The following FAF1 variants were observed in gnomAD, a reference collection of about 807,000 sequenced individuals.
FAF1 encodes the protein Fas associated factor 1, also known as FAS-associated factor 1.
Under a neutral mutation model 92.5 loss-of-function variants are expected in FAF1, and 25 were observed. The observed-to-expected ratio is 0.27, with a 90% CI of 0.20 to 0.38. The LOEUF (loss-of-function observed/expected upper bound fraction) is 0.38, where lower values mean the gene tolerates loss of function less well. Ranked by LOEUF, FAF1 falls within the 10% of genes least tolerant of loss-of-function variation. The pLI is 1.00. For synonymous variants in FAF1, 234 were observed against 273.2 expected, an observed-to-expected ratio of 0.86 and a Z score of 1.42; for missense variants, 636 against 793.3, an observed-to-expected ratio of 0.80 and a Z score of 2.38.
chr1:50,678,776 CAAAAAAAAAA>C lies in FAF1; in HGVS notation c.658-23258_658-23249del, dbSNP rs58946586. ...GACTGGTGACAGAGAGACTCCATCT[CAAAAAAAAAA>C]AAAAAAAAAAAAAAAAAAGGCCAGT... On this transcript the variant is annotated intron_variant, in intron 7 of 18. Coordinates refer to ENST00000396153, the MANE Select transcript of FAF1 (RefSeq NM_007051.3). Among the ~76,000 whole-genome samples the C allele has an allele frequency of 5.7e-4, 8 of 13,940 alleles. No homozygotes were observed. In the East Asian group the frequency reaches 0.019, roughly 33 times the overall value. 9.1% of individuals were successfully genotyped at this position (13,940 alleles called of 152,430 possible).
In FAF1 at chr1:50,610,026, T is replaced by C. The variant is rs151256353; in HGVS notation, c.745-13810A>G. ...ATAGTCATTAGTGATTTGAATTAGT[T>C]TGCTAAATAAATTAAAGTATACTTT... is the stretch of plus-strand genomic sequence containing the variant. On this transcript the variant is annotated intron_variant, in intron 8 of 18. Coordinates refer to ENST00000396153, the MANE Select transcript of FAF1 (RefSeq NM_007051.3). 2.0e-5 allele frequency among the ~76,000 whole-genome samples: 3 copies of C among 152,270 alleles called. No homozygotes were observed. In the East Asian group the frequency reaches 5.8e-4, roughly 29 times the overall value.
chr1:50,775,912 A>T (rs1271845527), intron 4 of FAF1, among the ~76,000 whole-genome samples: 1 of 152,144 alleles, frequency 6.6e-6, no homozygotes, highest in African/African-American at 2.4e-5. Context: ...AACAGGGAAA[A>T]CAGAGAAAGT....
chr1:50,695,823 A>G (rs1020435342), intron 7 of FAF1, among the ~76,000 whole-genome samples: 11 of 151,692 alleles, frequency 7.3e-5, no homozygotes, highest in Non-Finnish European at 1.3e-4. Flanking sequence ...TAATTTTTGT[A>G]CTTTTAGTAG....
At chr1:50,744,156 T>C (rs1659499939) in intron 5 of FAF1, among the ~76,000 whole-genome samples, 1 of 152,156 alleles carries the variant, frequency 6.6e-6, no homozygotes, top group Non-Finnish European at 1.5e-5. Context: ...ATTGCAATAC[T>C]CTCTGCAAAT....
chr1:50,807,381 A>G, intron 2 of FAF1, among the ~76,000 whole-genome samples: 1 of 152,248 alleles, frequency 6.6e-6, no homozygotes, highest in East Asian at 1.9e-4. Flanking sequence ...AACTTACAGT[A>G]ATGCCGGTAG....
intron 7 of FAF1, among the ~76,000 whole-genome samples, chr1:50,686,997 T>G (rs933076814): frequency 6.6e-5 from 10 of 151,910 alleles, no homozygotes; most frequent in African/African-American, 2.4e-4. Flanking sequence ...CCCAGCTAAT[T>G]TTTGCATTTT....
At chr1:50,798,887 G>A (rs1020073849) in intron 3 of FAF1, among the ~76,000 whole-genome samples, 43 of 152,074 alleles carry the variant, frequency 2.8e-4, no homozygotes, top group African/African-American at 6.8e-4. Context: ...TTTTCTGTTC[G>A]TGTTTTTTTT....
intron 13 of FAF1, among the ~76,000 whole-genome samples, chr1:50,558,768 T>C (rs2149051129): frequency 6.6e-6 from 1 of 152,338 alleles, no homozygotes; most frequent in Non-Finnish European, 1.5e-5. Flanking sequence ...TGAATAGCAT[T>C]AATTAGATTA....
At chr1:50,893,293 A>G (rs1401100163) in intron 1 of FAF1, among the ~76,000 whole-genome samples, 1 of 151,966 alleles carries the variant, frequency 6.6e-6, no homozygotes, top group Non-Finnish European at 1.5e-5. Context: ...ATTTACTGTA[A>G]TTTTTGCATT....
Position 50,959,912 on chromosome 1 carries a change from G to T in FAF1, c.-101C>A. 1 of 695,090 alleles carries T rather than the reference G, an allele frequency of 1.4e-6. No homozygotes were observed. The highest frequency in any genetic ancestry group is 1.9e-6 in the Non-Finnish European group (1 of 529,486). The allele number at this position is 695,090 out of a possible 1,614,324, so 43.1% of individuals were successfully genotyped here. A position where few individuals can be genotyped will look rare whatever the true frequency, so the allele number is the denominator to read the frequency against. ...CCGCCACCGCCGCCGCCGCCGCCGGGCGCCGAGGGGCTGGCGGGCGAGCCG... is the reference window on the plus strand; with the variant it reads ...CCGCCACCGCCGCCGCCGCCGCCGGTCGCCGAGGGGCTGGCGGGCGAGCCG... On this transcript the variant is annotated 5_prime_UTR_variant, in exon 1 of 19. Coordinates refer to ENST00000396153, the MANE Select transcript of FAF1 (RefSeq NM_007051.3).
intron 13 of FAF1, among the ~76,000 whole-genome samples, chr1:50,543,491 T>G (rs1014477727): frequency 6.6e-6 from 1 of 152,196 alleles, no homozygotes; most frequent in Non-Finnish European, 1.5e-5. Context: ...AAATAACACT[T>G]ACCTTTAAAA....
chr1:50,616,104 A>C (rs1652902569), intron 8 of FAF1, among the ~76,000 whole-genome samples: 1 of 152,164 alleles, frequency 6.6e-6, no homozygotes, highest in African/African-American at 2.4e-5. Flanking sequence ...ACATTTATTG[A>C]AAAGGGAGTC....
intron 15 of FAF1, among the ~76,000 whole-genome samples, chr1:50,519,800 T>G (rs1647410312): frequency 1.3e-5 from 2 of 152,272 alleles, no homozygotes; most frequent in South Asian, 4.1e-4. Context: ...AGAAGATACT[T>G]CTCCACAAGT....
intron 4 of FAF1, among the ~76,000 whole-genome samples, chr1:50,778,101 T>C (rs994568132): frequency 1.3e-5 from 2 of 152,176 alleles, no homozygotes; most frequent in African/African-American, 4.8e-5. Flanking sequence ...GAATTCTACA[T>C]AGCAATTAGA....
At chr1:50,812,718 T>G (rs1022661936) in intron 2 of FAF1, among the ~76,000 whole-genome samples, 3 of 152,304 alleles carry the variant, frequency 2.0e-5, no homozygotes, top group African/African-American at 7.2e-5. Flanking sequence ...CCATCATTAC[T>G]GCGTATATAC....
At chr1:50,581,338 G>T (rs1650980282) in intron 12 of FAF1, among the ~76,000 whole-genome samples, 3 of 151,902 alleles carry the variant, frequency 2.0e-5, no homozygotes, top group Admixed American at 2.0e-4. Flanking sequence ...ATTTTTCTTT[G>T]TATCAGAATT....
intron 3 of FAF1, among the ~76,000 whole-genome samples, chr1:50,800,891 G>C (rs1661964959): frequency 6.6e-6 from 1 of 152,162 alleles, no homozygotes; most frequent in South Asian, 2.1e-4. Flanking sequence ...GAGAGGAAAG[G>C]GGGGAAAATC....
intron 1 of FAF1, among the ~76,000 whole-genome samples, chr1:50,920,559 T>C (rs911859950): frequency 6.6e-6 from 1 of 152,186 alleles, no homozygotes; most frequent in Non-Finnish European, 1.5e-5. Flanking sequence ...TCCAGGATTA[T>C]GTAAAAAGGA....
chr1:50,459,163 G>A (rs992621861), intron 18 of FAF1, among the ~76,000 whole-genome samples: 1 of 151,828 alleles, frequency 6.6e-6, no homozygotes, highest in African/African-American at 2.4e-5. Flanking sequence ...TAGTAGAGAC[G>A]ATGTATTGCT....
Sources: gnomAD v4.1 joint callset for allele counts (sites outside exome capture counted in the v4.1 genomes callset) on GRCh38, gnomAD v4.1.1 for gene constraint, MANE v1.5 for transcripts, NCBI Gene and HGNC (gene_info 2026-07-23, HGNC 2026-07-21) for gene names.